The following C2orf78 variants were observed in gnomAD, a reference collection of about 807,000 sequenced individuals.
C2orf78 encodes uncharacterized protein C2orf78.
In C2orf78, 12 loss-of-function variants were observed where a neutral mutation model predicts 21.4. The observed-to-expected ratio is 0.56, with a 90% CI of 0.36 to 0.91. The LOEUF is 0.91. Among genes scored for constraint, C2orf78 ranks in the 40% least tolerant of loss-of-function variants. The pLI, the probability that C2orf78 is intolerant of heterozygous loss-of-function variation, is 0.01. For synonymous variants in C2orf78, 396 were observed against 413.9 expected (o/e 0.96, Z 0.52); for missense variants, 1,042 against 1,092.4 (o/e 0.95, Z 0.65).
chr2:73,810,335 C>A (rs887491456), intron 1 of C2orf78, among the ~76,000 whole-genome samples: 3 of 151,664 alleles, frequency 2.0e-5, no homozygotes, highest in Non-Finnish European at 4.4e-5. Context: ...CAAGACCAGC[C>A]TGACCAACAT....
chr2:73,792,393 C>T (rs1672943461), intron 1 of C2orf78, among the ~76,000 whole-genome samples: 4 of 118,308 alleles, frequency 3.4e-5, no homozygotes, highest in African/African-American at 1.3e-4. Flanking sequence ...GGCTGAGGCA[C>T]GAGAATGGTG....
chr2:73,811,153 T>G (rs985443538), intron 1 of C2orf78, among the ~76,000 whole-genome samples: 1 of 151,450 alleles, frequency 6.6e-6, no homozygotes, highest in African/African-American at 2.4e-5. Context: ...TAGCTGGGTG[T>G]GGTGACAGGC....
At chr2:73,816,481 G>T (rs777924523) in exon 3 of C2orf78, 1 of 1,613,868 alleles carries the variant, frequency 6.2e-7, no homozygotes, top group South Asian at 1.1e-5. Flanking sequence ...TACCCTGCTC[G>T]ACCTGATTCT....
rs1235288429 is a variant in C2orf78 at position 73,807,930 on chromosome 2, A to G, written c.98-5547A>G. Among the ~76,000 whole-genome samples the G allele has an allele frequency of 1.9e-4, 28 of 150,814 alleles. 2 individuals carry two copies. The highest frequency in any genetic ancestry group is 9.7e-4 in the East Asian group (5 of 5,174). On this transcript the variant is annotated intron_variant, in intron 1 of 2. Coordinates refer to ENST00000409561, the Ensembl canonical transcript of C2orf78. ...AACTTTGCTGTTCAAGTTACAAAAGAGGGTTCTTTAATCTCTTCCTTTGGC... is the reference window on the plus strand; with the variant it reads ...AACTTTGCTGTTCAAGTTACAAAAGGGGGTTCTTTAATCTCTTCCTTTGGC...
intron 2 of C2orf78, among the ~76,000 whole-genome samples, chr2:73,814,850 C>G (rs1454817488): frequency 6.6e-6 from 1 of 152,136 alleles, no homozygotes; most frequent in Non-Finnish European, 1.5e-5. Context: ...CTACAACAAC[C>G]CTATGAAATA....
chr2:73,785,737 T>C (rs909384389), intron 1 of C2orf78, among the ~76,000 whole-genome samples: 1 of 152,034 alleles, frequency 6.6e-6, no homozygotes, highest in African/African-American at 2.4e-5. Context: ...CAGTTTGTAA[T>C]ATAAACATTT....
At chr2:73,786,149 G>C (rs910829521) in intron 1 of C2orf78, among the ~76,000 whole-genome samples, 1 of 151,982 alleles carries the variant, frequency 6.6e-6, no homozygotes, top group Non-Finnish European at 1.5e-5. Flanking sequence ...CAAGGCTGAC[G>C]CAGGCGGATT....
At chr2:73,808,925 A>G (rs1673013689) in intron 1 of C2orf78, 1 of 766,572 alleles carries the variant, frequency 1.3e-6, no homozygotes. Context: ...CTTTTTAAAA[A>G]GGTTTTCATG....
chr2:73,811,064 G>A (rs1573199894), intron 1 of C2orf78, among the ~76,000 whole-genome samples: 1 of 150,950 alleles, frequency 6.6e-6, no homozygotes, highest in Admixed American at 6.6e-5. Context: ...GCTGAGGCGG[G>A]TGGATCACCT....
chr2:73,810,628 T>A (rs1221221688), intron 1 of C2orf78, among the ~76,000 whole-genome samples: 2 of 125,114 alleles, frequency 1.6e-5, no homozygotes, highest in South Asian at 2.2e-4. Flanking sequence ...ATATACATAA[T>A]ATATATATGT....
rs201344049 is a variant in C2orf78 at position 73,784,508 on chromosome 2, A to G, written c.97+102A>G. 1,874 of 567,256 alleles carry G rather than the reference A, an allele frequency of 3.3e-3. 51 individuals are homozygous for G. The East Asian group carries it at 0.054, about 16-fold the overall frequency. 35.1% of individuals were successfully genotyped at this position (567,256 alleles called of 1,614,324 possible). A position where few individuals can be genotyped will look rare whatever the true frequency, so the allele number is the denominator to read the frequency against. On this transcript the variant is annotated intron_variant, in intron 1 of 2. Coordinates refer to ENST00000409561, the Ensembl canonical transcript of C2orf78. ...TCCCAAACAGCTTGGAATAACAGGG[A>G]AAGTATTGAAGTAGAAATCCAGAGA... is the stretch of plus-strand genomic sequence containing the variant.
exon 3 of C2orf78, chr2:73,815,814 G>A (rs769362592): frequency 5.0e-6 from 8 of 1,613,866 alleles, no homozygotes; most frequent in Non-Finnish European, 6.8e-6. Flanking sequence ...AGAGAGAGAA[G>A]TGGTTGTTGG....
chr2:73,784,563 C>T (rs1672886361), intron 1 of C2orf78, among the ~76,000 whole-genome samples, 157 bp downstream of exon 1: 1 of 151,382 alleles, frequency 6.6e-6, no homozygotes, highest in Non-Finnish European at 1.5e-5. Context: ...TTGACATTTA[C>T]TAGCTGTGTG....
At chr2:73,816,925 A>G in exon 3 of C2orf78, 1 of 1,612,978 alleles carries the variant, frequency 6.2e-7, no homozygotes, top group Non-Finnish European at 8.5e-7. Flanking sequence ...TCTTTGGGGA[A>G]AGTGCAGTTT....
exon 2 of C2orf78, chr2:73,813,633 C>T (rs1350029765): frequency 1.6e-5 from 26 of 1,613,954 alleles, no homozygotes; most frequent in Non-Finnish European, 2.2e-5. Flanking sequence ...CCATCAGCCT[C>T]TGGCACCTCC....
chr2:73,814,309 G>C (rs1338845022), intron 2 of C2orf78, 83 bp downstream of exon 2: 24 of 1,422,490 alleles, frequency 1.7e-5, no homozygotes, highest in Non-Finnish European at 2.2e-5. Context: ...GTGAGTCCGT[G>C]GATAGGTAGA....
At chr2:73,813,370 A>G in intron 1 of C2orf78, 107 bp from the exon 2 acceptor site, 1 of 1,171,492 alleles carries the variant, frequency 8.5e-7, no homozygotes, top group Non-Finnish European at 1.2e-6. Context: ...GAGTATTGGT[A>G]TTAGAGGCTT....
chr2:73,812,116 C>A (rs1337038312), intron 1 of C2orf78, among the ~76,000 whole-genome samples: 1 of 152,068 alleles, frequency 6.6e-6, no homozygotes. Flanking sequence ...TTTGCTGATA[C>A]AATTTCTCTG....
intron 2 of C2orf78, 98 bp from the exon 3 acceptor site, chr2:73,814,973 G>C: frequency 8.4e-7 from 1 of 1,185,096 alleles, no homozygotes; most frequent in Non-Finnish European, 1.2e-6. Context: ...TAGTAGAAAT[G>C]CCTTGCCCAT....
Sources: allele counts gnomAD v4.1 joint callset (sites outside exome capture counted in the v4.1 genomes callset), GRCh38; gene constraint gnomAD v4.1.1; transcripts MANE v1.5; gene names NCBI Gene and HGNC (gene_info 2026-07-23, HGNC 2026-07-21).